Variants in BLVRA observed in about 807,000 individuals in gnomAD.
BLVRA encodes the protein biliverdin reductase A.
Under a neutral mutation model 32.8 loss-of-function variants are expected in BLVRA, and 22 were observed. That is an observed-to-expected ratio of 0.67 (90% CI 0.48 to 0.96). The LOEUF (loss-of-function observed/expected upper bound fraction) is 0.96, where lower values mean the gene tolerates loss of function less well. Among genes scored for constraint, BLVRA ranks in the 40% least tolerant of loss-of-function variants. The pLI is 0.00. For synonymous variants in BLVRA, 119 were observed against 141.3 expected, an observed-to-expected ratio of 0.84 and a Z score of 1.12; for missense variants, 323 against 358.1, an observed-to-expected ratio of 0.90 and a Z score of 0.79.
chr7:43,796,360 C>T (rs1779219557), intron 5 of BLVRA, among the ~76,000 whole-genome samples: 1 of 152,148 alleles, frequency 6.6e-6, no homozygotes, highest in East Asian at 1.9e-4. Context: ...AAAATCTGAA[C>T]AGATTTATAA....
intron 1 of BLVRA, among the ~76,000 whole-genome samples, chr7:43,758,951 C>G (rs1001958364): frequency 6.6e-6 from 1 of 152,140 alleles, no homozygotes; most frequent in African/African-American, 2.4e-5. Context: ...AGCGCGGGTC[C>G]CGGCAAGGGG....
At chr7:43,760,770 C>CT (rs34256119) in intron 1 of BLVRA, among the ~76,000 whole-genome samples, 1,956 of 133,112 alleles carry the variant, frequency 0.015, 55 homozygotes, top group African/African-American at 0.049. Flanking sequence ...CCTCTTGAGT[C>CT]TTTTTTTTTT....
chr7:43,792,916 A>G (rs1585735669), intron 5 of BLVRA, 104 bp downstream of exon 5: 1 of 1,136,744 alleles, frequency 8.8e-7, no homozygotes, highest in Non-Finnish European at 1.3e-6. Context: ...TCCTGGCTAC[A>G]CTGGCACTGT....
chr7:43,763,225 GGCTGGAATACT>G (rs2095744321), intron 1 of BLVRA, among the ~76,000 whole-genome samples: 1 of 152,152 alleles, frequency 6.6e-6, no homozygotes, highest in African/African-American at 2.4e-5. Context: ...GGGAGGAGGG[GGCTGGAATACT>G]GCTGGAGGAG....
intron 7 of BLVRA, 70 bp downstream of exon 7, chr7:43,803,917 A>G: frequency 6.3e-7 from 1 of 1,582,342 alleles, no homozygotes; most frequent in South Asian, 1.1e-5. Flanking sequence ...GTATGATCCA[A>G]AGGGAGCCCC....
intron 1 of BLVRA, among the ~76,000 whole-genome samples, chr7:43,766,845 A>T (rs966041773): frequency 1.3e-5 from 2 of 152,146 alleles, no homozygotes; most frequent in African/African-American, 4.8e-5. Context: ...TAAAAACAGC[A>T]ATGTGGCCAG....
rs147378665 is a variant in BLVRA at position 43,807,225 on chromosome 7, C to T, written c.881C>T (p.Ser294Leu). The T allele has an allele frequency of 4.6e-5, 74 of 1,605,448 alleles. No individual in the cohort carries two copies. In the Middle Eastern group the frequency reaches 1.3e-3, roughly 29 times the overall value. Reference sequence around the variant, plus strand: ...GAAGAAATCCAGAAATATTGCTGTTCAAGGAAGTAAGAGGAGGAGGTGATG... The same window carrying T: ...GAAGAAATCCAGAAATATTGCTGTTTAAGGAAGTAAGAGGAGGAGGTGATG... ...LAEEIQKYCCSRK is the reference protein window; with the variant it reads ...LAEEIQKYCCLRK The change falls in exon 8 of 8, where the codon TCA becomes TTA. Residue 294 changes from serine to leucine, a missense_variant. Coordinates refer to ENST00000265523, the MANE Select transcript of BLVRA (RefSeq NM_000712.4).
chr7:43,798,955 T>C (rs1215973569), intron 5 of BLVRA, among the ~76,000 whole-genome samples: 1 of 151,536 alleles, frequency 6.6e-6, no homozygotes, highest in Non-Finnish European at 1.5e-5. Context: ...GGGGAAAATA[T>C]AACATGTTCC....
At chr7:43,794,418 C>T (rs867397303) in intron 5 of BLVRA, among the ~76,000 whole-genome samples, 2 of 152,166 alleles carry the variant, frequency 1.3e-5, no homozygotes, top group Middle Eastern at 6.8e-3. Context: ...TACAGACTTC[C>T]GTAGTATTGT....
At chr7:43,792,631 A>G (rs2095787371) in intron 4 of BLVRA, 84 bp from the exon 5 acceptor site, 1 of 1,324,270 alleles carries the variant, frequency 7.6e-7, no homozygotes, top group Non-Finnish European at 1.1e-6. Context: ...ATGCCTTTAT[A>G]ACATTCTGTT....
intron 3 of BLVRA, among the ~76,000 whole-genome samples, chr7:43,789,096 A>G (rs2095782207): frequency 6.6e-6 from 1 of 152,114 alleles, no homozygotes; most frequent in African/African-American, 2.4e-5. Context: ...TCATTTGTCA[A>G]TATTAATTGT....
chr7:43,806,227 C>T (rs1185378816), intron 7 of BLVRA, among the ~76,000 whole-genome samples: 1 of 151,882 alleles, frequency 6.6e-6, no homozygotes, highest in Non-Finnish European at 1.5e-5. Context: ...GCAGGAGAAT[C>T]GTTTGAACCT....
intron 2 of BLVRA, among the ~76,000 whole-genome samples, chr7:43,773,150 T>G (rs898076709): frequency 4.6e-5 from 7 of 152,158 alleles, no homozygotes; most frequent in Non-Finnish European, 1.0e-4. Flanking sequence ...ATTTTATTAT[T>G]ATTATACTTT....
intron 5 of BLVRA, among the ~76,000 whole-genome samples, chr7:43,794,012 A>T (rs2095789047): frequency 6.6e-6 from 1 of 151,338 alleles, no homozygotes; most frequent in Non-Finnish European, 1.5e-5. Flanking sequence ...GGAGGCTCTG[A>T]TGGATAGATT....
chr7:43,760,700 A>T (rs1016819594), intron 1 of BLVRA, among the ~76,000 whole-genome samples: 4 of 131,020 alleles, frequency 3.1e-5, no homozygotes, highest in Admixed American at 2.6e-4. Context: ...TTGTGTATTT[A>T]AAAAAAAAAA....
intron 1 of BLVRA, among the ~76,000 whole-genome samples, chr7:43,768,872 G>A (rs928688756): frequency 1.3e-5 from 2 of 151,758 alleles, no homozygotes; most frequent in Admixed American, 6.6e-5. Context: ...GAGTGCTGGC[G>A]CTCCCACCCC....
chr7:43,797,271 A>G (rs2095793849), intron 5 of BLVRA, among the ~76,000 whole-genome samples: 1 of 152,226 alleles, frequency 6.6e-6, no homozygotes, highest in African/African-American at 2.4e-5. Context: ...TATTTTTAGC[A>G]GAGATGGGGT....
At chr7:43,800,311 T>C in intron 5 of BLVRA, 154 bp from the exon 6 acceptor site, 2 of 695,788 alleles carry the variant, frequency 2.9e-6, no homozygotes, top group South Asian at 3.1e-5. Context: ...TCAGCTGGGG[T>C]GGGTGACAGT....
chr7:43,771,820 C>T (rs575561176), intron 2 of BLVRA, among the ~76,000 whole-genome samples: 2 of 152,312 alleles, frequency 1.3e-5, no homozygotes, highest in Admixed American at 1.3e-4. Flanking sequence ...CAGCACCACC[C>T]GCCAGGCCCC....
Sources: allele counts gnomAD v4.1 joint callset (sites outside exome capture counted in the v4.1 genomes callset), GRCh38; gene constraint gnomAD v4.1.1; transcripts MANE v1.5; gene names NCBI Gene and HGNC (gene_info 2026-07-23, HGNC 2026-07-21).